Variants in SNX2 observed in about 807,000 individuals in gnomAD.
SNX2 encodes the protein sorting nexin-2.
SNX2 carries 25 observed loss-of-function variants against 69.9 expected under a neutral mutation model. The observed-to-expected ratio is 0.36, with a 90% confidence interval of 0.26 to 0.50. The LOEUF is 0.50. Ranked by LOEUF, SNX2 falls within the 20% of genes least tolerant of loss-of-function variation. SNX2 has a pLI of 0.97. For synonymous variants in SNX2, 229 were observed against 200.4 expected, an observed-to-expected ratio of 1.14 and a Z score of -1.20; for missense variants, 551 against 613.3, an observed-to-expected ratio of 0.90 and a Z score of 1.07.
rs1754249373 is a variant in SNX2, at chr5:122,829,978, A to G, written c.*330A>G. The G allele has an allele frequency of 7.3e-6, 2 of 275,172 alleles. No homozygotes were observed. Among genetic ancestry groups the G allele is most frequent in the South Asian group, 1.1e-4 (2 of 18,226 alleles). The allele number at this position is 275,172 out of a possible 1,614,324, so 17.0% of individuals were successfully genotyped here. A position where few individuals can be genotyped will look rare whatever the true frequency, so the allele number is the denominator to read the frequency against. Reference sequence around the variant, plus strand: ...AATTTTACAATATTTTTTCTTTACAATATGTTCTGTAGTATGTTTACCCTC... The same window carrying G: ...AATTTTACAATATTTTTTCTTTACAGTATGTTCTGTAGTATGTTTACCCTC... On this transcript the variant is annotated 3_prime_UTR_variant, in exon 15 of 15. Coordinates refer to ENST00000379516, the MANE Select transcript of SNX2 (RefSeq NM_003100.4).
In SNX2 at chr5:122,802,133, T is replaced by C; in HGVS notation, c.501+9T>C. ...ATAGAGTAACAACAAAGGTGAGCTT[T>C]TTGTGCTTTTAAAAAAACTATCGAG... On this transcript the variant is annotated intron_variant, in intron 5 of 14. Coordinates refer to ENST00000379516, the MANE Select transcript of SNX2 (RefSeq NM_003100.4). The C allele has an allele frequency of 6.2e-7, 1 of 1,612,736 alleles. No homozygotes were observed. Among genetic ancestry groups the C allele is most frequent in the Non-Finnish European group, 8.5e-7 (1 of 1,178,826 alleles).
At chr5:122,804,528 G>A (rs1294617693) in intron 6 of SNX2, among the ~76,000 whole-genome samples, 3 of 151,852 alleles carry the variant, frequency 2.0e-5, no homozygotes, top group African/African-American at 7.3e-5. Context: ...ACCATGCCTG[G>A]CTAATCCTTT....
chr5:122,813,993 C>A (rs960023944), intron 7 of SNX2, among the ~76,000 whole-genome samples: 26 of 152,084 alleles, frequency 1.7e-4, no homozygotes. Context: ...AGGCTGGTCT[C>A]GAACTCCTGA....
chr5:122,829,078 T>C lies in SNX2; in HGVS notation c.1510-520T>C, dbSNP rs982320788. On this transcript the variant is annotated intron_variant, in intron 14 of 14. Transcript: ENST00000379516. ...GTTGCAGTGAGCCGAGGTCATGCCA[T>C]TGCACTCCGGTCTGGGCAATAAGAG... Among the ~76,000 whole-genome samples, 4 of 152,016 alleles carry C rather than the reference T, an allele frequency of 2.6e-5. 1 individual carries two copies. Among genetic ancestry groups the C allele is most frequent in the Admixed American group, 1.3e-4 (2 of 15,256 alleles).
chr5:122,775,619 C>T (rs189494576), intron 1 of SNX2: 1 of 989,042 alleles, frequency 1.0e-6, no homozygotes, highest in Non-Finnish European at 1.2e-6. Context: ...GGAGGGTGTG[C>T]CGCTGCCAGG....
intron 1 of SNX2, chr5:122,775,472 G>A (rs1015551071): frequency 8.6e-7 from 1 of 1,161,486 alleles, no homozygotes; most frequent in African/African-American, 1.6e-5. Flanking sequence ...CATTGCAGCG[G>A]CGCTTTCCCA....
In SNX2 at chr5:122,801,931, A is replaced by G; in HGVS notation, c.453A>G (p.Lys151=). 6.2e-7 allele frequency: 1 copy of G among 1,600,412 alleles called. No homozygotes were observed. Among genetic ancestry groups the G allele is most frequent in the Middle Eastern group, 1.7e-4 (1 of 6,014 alleles). ...DIEIGVSDPE[K]VGDGMNAYMA... Reference sequence around the variant, plus strand: ...AAATTGGTGTATCAGATCCAGAAAAAGTTGGTGAGTCAATACTTATTATAT... The same window carrying G: ...AAATTGGTGTATCAGATCCAGAAAAGGTTGGTGAGTCAATACTTATTATAT... The change falls in exon 4 of 15, where the codon AAA becomes AAG. Residue 151 remains lysine (K), a synonymous_variant. Transcript: ENST00000379516.
At position 122,833,460 on chromosome 5, in the gene SNX2, AT is replaced by A; in HGVS notation, c.*3816del. The stretch of plus-strand genomic sequence containing the variant: ...AATAATCCAGTAGCTCCAAAATATT[AT>A]TTTAATATGTAATCCAATATATTGA... On this transcript the variant is annotated 3_prime_UTR_variant, in exon 15 of 15. Coordinates refer to ENST00000379516, the MANE Select transcript of SNX2 (RefSeq NM_003100.4). 1 of 152,262 alleles carries A rather than the reference AT, an allele frequency of 6.6e-6. No homozygotes were observed. The highest frequency in any genetic ancestry group is 2.1e-4 in the South Asian group (1 of 4,824). 9.4% of individuals were successfully genotyped at this position (152,262 alleles called of 1,614,324 possible).
intron 11 of SNX2, among the ~76,000 whole-genome samples, chr5:122,820,292 C>T (rs1753992235): frequency 6.6e-6 from 1 of 152,144 alleles, no homozygotes; most frequent in Admixed American, 6.5e-5. Flanking sequence ...AATCCCAGCA[C>T]CTTGGGAGGC....
chr5:122,824,837 T>C (rs566269126), intron 11 of SNX2, among the ~76,000 whole-genome samples: 1 of 152,322 alleles, frequency 6.6e-6, no homozygotes, highest in Admixed American at 6.5e-5. Context: ...AAGTAATCCA[T>C]AATGGCTGTA....
chr5:122,806,094 ATGTG>A (rs147188322), intron 6 of SNX2, among the ~76,000 whole-genome samples: 5 of 124,698 alleles, frequency 4.0e-5, no homozygotes, highest in Non-Finnish European at 6.7e-5. Context: ...TAAAACTTTT[ATGTG>A]TGTGTGTGTG....
rs1291162785 is a variant in SNX2 at position 122,832,227 on chromosome 5, G to A, written c.*2579G>A. 6 of 152,138 alleles carry A rather than the reference G, an allele frequency of 3.9e-5. No individual in the cohort carries two copies. The East Asian group carries it at 7.7e-4, about 19-fold the overall frequency. 9.4% of individuals were successfully genotyped at this position (152,138 alleles called of 1,614,324 possible). Reference sequence around the variant, plus strand: ...CATTTGTTCAGTCTTGTTTCATTTAGTATGACTTTGGGCATATCACTTAAA... The same window carrying A: ...CATTTGTTCAGTCTTGTTTCATTTAATATGACTTTGGGCATATCACTTAAA... On this transcript the variant is annotated 3_prime_UTR_variant, in exon 15 of 15. Coordinates refer to ENST00000379516, the MANE Select transcript of SNX2 (RefSeq NM_003100.4).
intron 6 of SNX2, among the ~76,000 whole-genome samples, chr5:122,806,120 GTATATATATACA>G (rs1311181005): frequency 4.4e-4 from 37 of 83,498 alleles, no homozygotes; most frequent in African/African-American, 1.4e-3. Context: ...GTGCGTGTGT[GTATATATATACA>G]CACGCGCGCG....
chr5:122,797,162 A>G (rs1213104474), intron 2 of SNX2, among the ~76,000 whole-genome samples: 2 of 152,210 alleles, frequency 1.3e-5, no homozygotes, highest in African/African-American at 2.4e-5. Flanking sequence ...TCCTGGCCTC[A>G]AACAGTCCTC....
intron 11 of SNX2, among the ~76,000 whole-genome samples, chr5:122,824,392 G>T (rs1001808635): frequency 6.6e-6 from 1 of 152,020 alleles, no homozygotes; most frequent in African/African-American, 2.4e-5. Flanking sequence ...GAATCTATTT[G>T]TGTTAGATAT....
chr5:122,784,452 T>C (rs1753038567), intron 1 of SNX2, among the ~76,000 whole-genome samples: 1 of 152,080 alleles, frequency 6.6e-6, no homozygotes. Context: ...GCATTCATTA[T>C]GATAATCATA....
Position 122,831,087 on chromosome 5 carries a change from C to T in SNX2, c.*1439C>T, listed in dbSNP as rs1367487672. Among the ~76,000 whole-genome samples, 1 of 151,152 alleles carries T rather than the reference C, an allele frequency of 6.6e-6. No homozygotes were observed. Among genetic ancestry groups the T allele is most frequent in the Non-Finnish European group, 1.5e-5 (1 of 67,872 alleles). On this transcript the variant is annotated 3_prime_UTR_variant, in exon 15 of 15. Coordinates refer to ENST00000379516, the MANE Select transcript of SNX2 (RefSeq NM_003100.4). ...TTTTAAAAAATATTCTTACAAACAC[C>T]CCTCTTCTTGAGCTTAACCACCACA...
At chr5:122,806,765 A>G (rs2150010595) in intron 6 of SNX2, among the ~76,000 whole-genome samples, 1 of 152,240 alleles carries the variant, frequency 6.6e-6, no homozygotes, top group South Asian at 2.1e-4. Context: ...TTCACATCCC[A>G]ATTCCGGTAG....
chr5:122,807,940 G>A (rs537583118), intron 6 of SNX2, among the ~76,000 whole-genome samples: 6 of 152,132 alleles, frequency 3.9e-5, no homozygotes, highest in African/African-American at 7.2e-5. Context: ...TATGTATATC[G>A]GGTTAGAAAC....
Sources: gnomAD v4.1 joint callset for allele counts (sites outside exome capture counted in the v4.1 genomes callset) on GRCh38, gnomAD v4.1.1 for gene constraint, MANE v1.5 for transcripts, NCBI Gene and HGNC (gene_info 2026-07-23, HGNC 2026-07-21) for gene names.